The following ATG7 variants were observed in gnomAD, a reference collection of about 807,000 sequenced individuals.
ATG7 encodes the protein autophagy related 7.
A neutral mutation model predicts 82.4 loss-of-function variants in ATG7; 70 were observed. The observed-to-expected ratio is 0.85, with a 90% CI of 0.70 to 1.04. ATG7 has a LOEUF of 1.04. Among genes scored for constraint, ATG7 ranks in the 50% least tolerant of loss-of-function variants. ATG7 has a pLI of 0.00. For synonymous variants in ATG7, 287 were observed against 313.0 expected, an observed-to-expected ratio of 0.92 and a Z score of 0.88; for missense variants, 792 against 864.3, an observed-to-expected ratio of 0.92 and a Z score of 1.05.
chr3:11,462,534 A>G (rs2086412906), intron 20 of ATG7, among the ~76,000 whole-genome samples: 1 of 152,162 alleles, frequency 6.6e-6, no homozygotes. Flanking sequence ...TAGTTTGAAT[A>G]ATCTCAGGGG....
At chr3:11,298,542 C>A in intron 3 of ATG7, 144 bp from the exon 4 acceptor site, 1 of 735,312 alleles carries the variant, frequency 1.4e-6, no homozygotes, top group Non-Finnish European at 2.2e-6. Flanking sequence ...TACCACAATC[C>A]AAAAAGAAGT....
At chr3:11,469,565 C>CT (rs2087215154) in intron 20 of ATG7, among the ~76,000 whole-genome samples, 1 of 152,072 alleles carries the variant, frequency 6.6e-6, no homozygotes, top group Admixed American at 6.6e-5. Context: ...AGTGATGATA[C>CT]ACTTGGCCTT....
chr3:11,471,759 TTTG>T (rs200532573), intron 20 of ATG7, among the ~76,000 whole-genome samples: 5,183 of 147,400 alleles, frequency 0.035, 118 homozygotes, highest in African/African-American at 0.046. Flanking sequence ...TTTTTTTTTT[TTTG>T]AAATGTAGTC....
At chr3:11,549,282 G>A (rs1168481281) in intron 20 of ATG7, among the ~76,000 whole-genome samples, 1 of 152,120 alleles carries the variant, frequency 6.6e-6, no homozygotes, top group African/African-American at 2.4e-5. Context: ...AGTGTGTAAG[G>A]TATCTTTATA....
intron 20 of ATG7, among the ~76,000 whole-genome samples, chr3:11,483,584 G>A (rs1002111199): frequency 3.9e-5 from 6 of 152,174 alleles, no homozygotes; most frequent in Non-Finnish European, 8.8e-5. Flanking sequence ...TTATTTTACA[G>A]GAGGTACACA....
At chr3:11,424,349 G>A (rs2082183770) in intron 19 of ATG7, among the ~76,000 whole-genome samples, 1 of 151,980 alleles carries the variant, frequency 6.6e-6, no homozygotes, top group African/African-American at 2.4e-5. Context: ...AATATTCAAT[G>A]TTAAATAATA....
At chr3:11,284,087 G>T (rs1226168893) in intron 3 of ATG7, among the ~76,000 whole-genome samples, 1 of 152,042 alleles carries the variant, frequency 6.6e-6, no homozygotes, top group East Asian at 1.9e-4. Context: ...CTAAAGACAG[G>T]TTCTTTTTGT....
chr3:11,521,576 G>A (rs1474944088), intron 20 of ATG7, among the ~76,000 whole-genome samples: 2 of 150,370 alleles, frequency 1.3e-5, no homozygotes, highest in Non-Finnish European at 1.5e-5. Context: ...TTTTTAAGAC[G>A]GAGTCTCGCT....
At chr3:11,474,320 C>T (rs1288289226) in intron 20 of ATG7, among the ~76,000 whole-genome samples, 2 of 152,232 alleles carry the variant, frequency 1.3e-5, no homozygotes, top group African/African-American at 4.8e-5. Flanking sequence ...AAAACAGAGG[C>T]TGGTGCGGTG....
At position 11,477,525 on chromosome 3, in the gene ATG7, C is replaced by T. The variant is rs557490718; in HGVS notation, c.2079+50599C>T. Among the ~76,000 whole-genome samples the T allele has an allele frequency of 4.2e-4, 64 of 152,178 alleles. 2 individuals carry two copies. The Middle Eastern group carries it at 0.02, about 49-fold the overall frequency. On this transcript the variant is annotated intron_variant, in intron 20 of 20. Coordinates refer to ENST00000693202, the MANE Select transcript of ATG7 (RefSeq NM_001349232.2). ...CAGGATGCCACAAACAAAAAGTTGC[C>T]GCAAAAGATAAGGGCGTTTGTTAGA... is the stretch of plus-strand genomic sequence containing the variant.
chr3:11,294,466 C>G (rs1039247366), intron 3 of ATG7, among the ~76,000 whole-genome samples: 5 of 151,984 alleles, frequency 3.3e-5, no homozygotes, highest in Non-Finnish European at 4.4e-5. Context: ...TCAGGCGATC[C>G]CCCGCTTTGG....
At chr3:11,475,907 A>ACACACACAC (rs766157655) in intron 20 of ATG7, among the ~76,000 whole-genome samples, 1 of 146,250 alleles carries the variant, frequency 6.8e-6, no homozygotes, top group African/African-American at 2.6e-5. Context: ...ACACACACAC[A>ACACACACAC]CCCCCTCCCA....
At chr3:11,434,200 T>C (rs548682375) in intron 20 of ATG7, among the ~76,000 whole-genome samples, 2 of 152,350 alleles carry the variant, frequency 1.3e-5, no homozygotes, top group East Asian at 1.9e-4. Flanking sequence ...AATATTTTTG[T>C]TTTGTTTTGT....
Position 11,554,847 on chromosome 3 carries a change from G to A in ATG7, c.*4G>A, listed in dbSNP as rs1213853887. ...GAGCGATGATGAGACCATCTGAGAT[G>A]GCCCCGCTGTGGGGCTGACTTCTCC... On this transcript the variant is annotated 3_prime_UTR_variant, in exon 21 of 21. Coordinates refer to ENST00000693202, the MANE Select transcript of ATG7 (RefSeq NM_001349232.2). 1.2e-6 allele frequency: 2 copies of A among 1,612,740 alleles called. No individual in the cohort carries two copies. The highest frequency in any genetic ancestry group is 1.7e-6 in the Non-Finnish European group (2 of 1,179,618).
chr3:11,278,042 A>T (rs1341616319), intron 1 of ATG7, among the ~76,000 whole-genome samples: 1 of 151,996 alleles, frequency 6.6e-6, no homozygotes, highest in Non-Finnish European at 1.5e-5. Flanking sequence ...ATTCTGCCTG[A>T]CCCTGTAGGC....
At chr3:11,435,348 C>T (rs1045354185) in intron 20 of ATG7, among the ~76,000 whole-genome samples, 4 of 152,130 alleles carry the variant, frequency 2.6e-5, no homozygotes, top group South Asian at 2.1e-4. Context: ...TCACCAGACT[C>T]GGTGCCACTT....
At chr3:11,444,295 C>A (rs569239158) in intron 20 of ATG7, among the ~76,000 whole-genome samples, 1 of 152,140 alleles carries the variant, frequency 6.6e-6, no homozygotes, top group Non-Finnish European at 1.5e-5. Flanking sequence ...TGCAGCATTT[C>A]TCTGGGTGTT....
chr3:11,424,385 G>A (rs2082185861), intron 19 of ATG7, among the ~76,000 whole-genome samples: 2 of 151,840 alleles, frequency 1.3e-5, no homozygotes, highest in Admixed American at 1.3e-4. Context: ...AAATAAAGGT[G>A]GGAGGATCAC....
chr3:11,368,454 G>T (rs2076775514), intron 18 of ATG7, among the ~76,000 whole-genome samples: 1 of 152,166 alleles, frequency 6.6e-6, no homozygotes, highest in South Asian at 2.1e-4. Flanking sequence ...TTAACAGCCT[G>T]TTGGCCTGCT....
Sources: gnomAD v4.1 joint callset for allele counts (sites outside exome capture counted in the v4.1 genomes callset) on GRCh38, gnomAD v4.1.1 for gene constraint, MANE v1.5 for transcripts, NCBI Gene and HGNC (gene_info 2026-07-23, HGNC 2026-07-21) for gene names.